The following DDR2 variants were observed in gnomAD, a reference collection of about 807,000 sequenced individuals.
DDR2 encodes discoidin domain receptor tyrosine kinase 2, also known as discoidin domain-containing receptor 2.
Under a neutral mutation model 94.9 loss-of-function variants are expected in DDR2, and 27 were observed. That is an observed-to-expected ratio of 0.28 (90% CI 0.21 to 0.39). The LOEUF (loss-of-function observed/expected upper bound fraction) is 0.39. Among genes scored for constraint, DDR2 ranks in the 10% least tolerant of loss-of-function variants. The probability of loss-of-function intolerance (pLI) is 1.00; values close to 1 mark genes in which losing one functional copy is unlikely to be tolerated. For synonymous variants in DDR2, 382 were observed against 377.2 expected (o/e 1.01, Z -0.15); for missense variants, 783 against 1,076.0 (o/e 0.73, Z 3.81).
chr1:162,694,564 G>A (rs6672028), intron 2 of DDR2, among the ~76,000 whole-genome samples: 8 of 151,876 alleles, frequency 5.3e-5, no homozygotes, highest in African/African-American at 1.7e-4. Flanking sequence ...TCGTTGCCCC[G>A]TCATATCATT....
chr1:162,632,706 G>A (rs1180290111), intron 1 of DDR2, 75 bp downstream of exon 1: 2 of 151,870 alleles, frequency 1.3e-5, no homozygotes, highest in East Asian at 3.9e-4. Flanking sequence ...ACTTCTTTTG[G>A]TGTTTCAGGA....
At chr1:162,706,810 T>A (rs1660681955) in intron 2 of DDR2, among the ~76,000 whole-genome samples, 1 of 152,158 alleles carries the variant, frequency 6.6e-6, no homozygotes, top group Non-Finnish European at 1.5e-5. Context: ...TTTAATCGCC[T>A]GGAACAAACA....
intron 2 of DDR2, among the ~76,000 whole-genome samples, chr1:162,697,408 T>C (rs1015428465): frequency 1.6e-4 from 24 of 152,160 alleles, no homozygotes; most frequent in Non-Finnish European, 4.4e-5. Context: ...AACTGAAGTG[T>C]CCCAACAAAT....
chr1:162,751,534 T>G (rs1663192944), intron 3 of DDR2, among the ~76,000 whole-genome samples: 1 of 152,152 alleles, frequency 6.6e-6, no homozygotes, highest in African/African-American at 2.4e-5. Context: ...TAGGAATGCT[T>G]TTACGCTGTT....
intron 3 of DDR2, among the ~76,000 whole-genome samples, chr1:162,736,017 A>G (rs1288736456): frequency 6.6e-6 from 1 of 152,234 alleles, no homozygotes; most frequent in Non-Finnish European, 1.5e-5. Flanking sequence ...TGGGACGGTC[A>G]GTGTGGCTTT....
chr1:162,670,150 G>A (rs563339966), intron 2 of DDR2, among the ~76,000 whole-genome samples: 5 of 152,210 alleles, frequency 3.3e-5, no homozygotes, highest in South Asian at 2.1e-4. Context: ...TTGCTCTGTC[G>A]CCCAGGCTGG....
chr1:162,716,207 G>T (rs191178382), intron 2 of DDR2, among the ~76,000 whole-genome samples: 22 of 152,278 alleles, frequency 1.4e-4, no homozygotes, highest in Admixed American at 1.0e-3. Context: ...ATTGGGGAAG[G>T]TTATGGAGGG....
intron 2 of DDR2, among the ~76,000 whole-genome samples, chr1:162,701,749 C>T (rs2101996298): frequency 6.6e-6 from 1 of 152,294 alleles, no homozygotes; most frequent in East Asian, 1.9e-4. Context: ...TTGGATGGCT[C>T]TAATTTTTAG....
Position 162,785,854 on chromosome 1 carries a change from G to A in DDR2, c.*5608G>A, listed in dbSNP as rs1049528774. The A allele has an allele frequency of 1.3e-5, 2 of 152,120 alleles. No individual in the cohort carries two copies. The highest frequency in any genetic ancestry group is 6.6e-5 in the Admixed American group (1 of 15,266). The allele number at this position is 152,120 out of a possible 1,614,324, so 9.4% of individuals were successfully genotyped here. On this transcript the variant is annotated 3_prime_UTR_variant, in exon 18 of 18. Transcript: ENST00000367921. ...GATCTATAGAACTGCTTAATTTTTT[G>A]AGGCATTTAGACAGCAATGAAAGGT...
Position 162,783,137 on chromosome 1 carries a change from A to G in DDR2, c.*2891A>G, listed in dbSNP as rs774257568. 2 of 152,224 alleles carry G rather than the reference A, an allele frequency of 1.3e-5. No individual in the cohort carries two copies. The highest frequency in any genetic ancestry group is 1.5e-5 in the Non-Finnish European group (1 of 68,032). The allele number at this position is 152,224 out of a possible 1,614,324, so 9.4% of individuals were successfully genotyped here. ...GGCCTTATTACCTTTGCAGTAAGTT[A>G]TCTTCTTCATGATATATGTGAATTA... On this transcript the variant is annotated 3_prime_UTR_variant, in exon 18 of 18. Transcript: ENST00000367921.
At chr1:162,728,351 G>A (rs1423757146) in intron 3 of DDR2, among the ~76,000 whole-genome samples, 1 of 151,684 alleles carries the variant, frequency 6.6e-6, no homozygotes, top group Non-Finnish European at 1.5e-5. Flanking sequence ...AGAGTTAGCT[G>A]GAGCTGAAAG....
At chr1:162,681,837 T>C (rs1354977130) in intron 2 of DDR2, among the ~76,000 whole-genome samples, 1 of 152,154 alleles carries the variant, frequency 6.6e-6, no homozygotes, top group Admixed American at 6.6e-5. Context: ...AAACATTCAG[T>C]TTATAGCAGA....
At chr1:162,773,839 C>T (rs1647367330) in intron 14 of DDR2, among the ~76,000 whole-genome samples, 1 of 152,204 alleles carries the variant, frequency 6.6e-6, no homozygotes, top group African/African-American at 2.4e-5. Flanking sequence ...TCCTAACCCC[C>T]TGTGCACAAG....
At chr1:162,715,496 AG>A (rs1221677554) in intron 2 of DDR2, among the ~76,000 whole-genome samples, 1 of 152,200 alleles carries the variant, frequency 6.6e-6, no homozygotes, top group Non-Finnish European at 1.5e-5. Context: ...AAGAAGCTCC[AG>A]TGTGACTGAG....
intron 4 of DDR2, 30 bp from the exon 5 acceptor site, chr1:162,754,594 T>C (rs2102131984): frequency 6.2e-7 from 1 of 1,608,486 alleles, no homozygotes; most frequent in Non-Finnish European, 8.5e-7. Flanking sequence ...TCATGGTTGC[T>C]CCCTCTCTCC....
intron 2 of DDR2, among the ~76,000 whole-genome samples, chr1:162,695,247 G>A (rs933062614): frequency 1.3e-5 from 2 of 151,592 alleles, no homozygotes; most frequent in Non-Finnish European, 2.9e-5. Context: ...TTCTTTTTTT[G>A]TTGAGACAGA....
chr1:162,668,784 A>G lies in DDR2; in HGVS notation c.-28+13410A>G, dbSNP rs75847356. On this transcript the variant is annotated intron_variant, in intron 2 of 17. Transcript: ENST00000367921. ...TAAGATTACATTCCTAAGATTACCT[A>G]TGAATATAACCTTAACTCTTTGGTT... Among the ~76,000 whole-genome samples the G allele has an allele frequency of 1.9e-3, 286 of 152,326 alleles. 4 individuals are homozygous for G. In the East Asian group the frequency reaches 0.043, roughly 23 times the overall value.
At chr1:162,760,591 TATATGTATATACATATACAACTAG>T (rs1410384578) in intron 8 of DDR2, among the ~76,000 whole-genome samples, 41 of 149,210 alleles carry the variant, frequency 2.7e-4, no homozygotes, top group Non-Finnish European at 3.3e-4. Context: ...TACAACTAGA[TATATGTATATACATATACAACTAG>T]ATATATATAT....
In DDR2 at chr1:162,757,019, T is replaced by A. The variant is rs567524845; in HGVS notation, c.671+1250T>A. Among the ~76,000 whole-genome samples, 20 of 152,158 alleles carry A rather than the reference T, an allele frequency of 1.3e-4. No individual in the cohort carries two copies. In the East Asian group the frequency reaches 3.7e-3, roughly 28 times the overall value. On this transcript the variant is annotated intron_variant, in intron 7 of 17. Coordinates refer to ENST00000367921, the MANE Select transcript of DDR2 (RefSeq NM_006182.4). ...CCTTTAAAGTGCTCACAATTTGGAG[T>A]AGGGGCTAAAACAGAATATAAGTTA... is the stretch of plus-strand genomic sequence containing the variant.
Sources: gnomAD v4.1 joint callset for allele counts (sites outside exome capture counted in the v4.1 genomes callset) on GRCh38, gnomAD v4.1.1 for gene constraint, MANE v1.5 for transcripts, NCBI Gene and HGNC (gene_info 2026-07-23, HGNC 2026-07-21) for gene names.